ZBTB32: variants seen among roughly 807,000 people sequenced by gnomAD.
The protein encoded by ZBTB32 is zinc finger and BTB domain-containing protein 32.
In ZBTB32, 28 loss-of-function variants were observed where a neutral mutation model predicts 45.3. The observed-to-expected ratio is 0.62, with a 90% CI of 0.46 to 0.85. ZBTB32 has a LOEUF of 0.85. Ranked by LOEUF, ZBTB32 falls within the 40% of genes least tolerant of loss-of-function variation. The pLI is 0.00. For synonymous variants in ZBTB32, 283 were observed against 255.7 expected, an observed-to-expected ratio of 1.11 and a Z score of -1.02; for missense variants, 587 against 624.4, an observed-to-expected ratio of 0.94 and a Z score of 0.64.
At chr19:35,710,435 G>T (rs765873981) in intron 1 of ZBTB32, among the ~76,000 whole-genome samples, 39 of 152,050 alleles carry the variant, frequency 2.6e-4, no homozygotes, top group African/African-American at 1.4e-4. Flanking sequence ...GAAGAGGAAG[G>T]GGGGGCAAGG....
intron 1 of ZBTB32, among the ~76,000 whole-genome samples, chr19:35,707,819 T>C (rs1218189887): frequency 2.0e-5 from 3 of 151,904 alleles, no homozygotes; most frequent in Non-Finnish European, 1.5e-5. Context: ...TCATCTCTAC[T>C]AAAAATACAA....
chr19:35,715,500 G>C lies in ZBTB32; in HGVS notation c.874G>C (p.Glu292Gln), dbSNP rs781730728. Residue 292 changes from glutamate (E) to glutamine (Q), a missense_variant, in exon 3 of 7, where the codon GAA (glutamate) becomes CAA (glutamine). Physicochemically the swap from Glu to Gln is conservative, Grantham distance 29. Transcript: ENST00000392197. Reference protein sequence around the residue: ...TTGAWQEVWREQRIPLSLNAP... With the variant: ...TTGAWQEVWRQQRIPLSLNAP... ...TGGAGCCTGGCAGGAGGTCTGGCGG[G>C]AACAGAGGTGAGTGGCGGGGTCTAG... is the stretch of plus-strand genomic sequence containing the variant. 1 of 1,538,328 alleles carries C rather than the reference G, an allele frequency of 6.5e-7. No homozygotes were observed. The highest frequency in any genetic ancestry group is 2.3e-5 in the East Asian group (1 of 44,302).
intron 1 of ZBTB32, among the ~76,000 whole-genome samples, chr19:35,706,259 T>C (rs530378771): frequency 2.7e-5 from 4 of 148,234 alleles, no homozygotes; most frequent in Non-Finnish European, 5.9e-5. Flanking sequence ...AATTGGGTCA[T>C]GTCTGGAGCT....
chr19:35,706,487 C>T (rs534385070), intron 1 of ZBTB32, among the ~76,000 whole-genome samples: 13 of 151,710 alleles, frequency 8.6e-5, no homozygotes, highest in East Asian at 1.9e-4. Flanking sequence ...TTTGGGAGGC[C>T]GAGGCAGGTG....
At chr19:35,711,352 A>G (rs958535415) in intron 1 of ZBTB32, among the ~76,000 whole-genome samples, 19 of 152,178 alleles carry the variant, frequency 1.2e-4, no homozygotes, top group African/African-American at 4.3e-4. Flanking sequence ...GCGTACATAC[A>G]TATCAGAGGG....
At chr19:35,713,929 T>G (rs23595) in intron 2 of ZBTB32, among the ~76,000 whole-genome samples, 40,255 of 152,194 alleles carry the variant, frequency 0.26, 5,500 homozygotes, top group South Asian at 0.38. Flanking sequence ...TGCTCTCCTC[T>G]TTCTCTGGAT....
chr19:35,712,791 C>G (rs1011248521), intron 1 of ZBTB32, 126 bp from the exon 2 acceptor site: 6 of 152,238 alleles, frequency 3.9e-5, no homozygotes, highest in Non-Finnish European at 7.3e-5. Flanking sequence ...ACACCCACCC[C>G]CAGGTCATTC....
chr19:35,716,631 G>A lies in ZBTB32; in HGVS notation c.1343G>A (p.Arg448His). ...PSLASMQAHM[R>H]GHSPSQLPPG... ...CTGGCCTCCATGCAGGCGCACATGC[G>A]CGGTCACTCGCCCAGCCAACTCCCG... Residue 448 changes from arginine (R) to histidine (H), a missense_variant, in exon 7 of 7, where the codon CGC becomes CAC. Coordinates refer to ENST00000392197, the MANE Select transcript of ZBTB32 (RefSeq NM_014383.3). The A allele has an allele frequency of 6.2e-7, 1 of 1,613,644 alleles. No individual in the cohort carries two copies. The highest frequency in any genetic ancestry group is 1.1e-5 in the South Asian group (1 of 91,084).
chr19:35,715,858 C>G, intron 4 of ZBTB32, 28 bp downstream of exon 4: 1 of 1,612,132 alleles, frequency 6.2e-7, no homozygotes, highest in Non-Finnish European at 8.5e-7. Context: ...CTGCATACAC[C>G]TGTAACATGG....
intron 1 of ZBTB32, among the ~76,000 whole-genome samples, chr19:35,709,249 A>G (rs1269545723): frequency 6.6e-6 from 1 of 152,178 alleles, no homozygotes; most frequent in Non-Finnish European, 1.5e-5. Flanking sequence ...TGGCGAGTTC[A>G]CAGAATTTTT....
chr19:35,705,459 G>A lies in ZBTB32; in HGVS notation c.-222+836G>A, dbSNP rs565347591. ...AATGTTCTGGACTCCAGGTTGAGAT[G>A]TTCTTGGCAGATTTCCCAGTATGGA... On this transcript the variant is annotated intron_variant, in intron 1 of 6. Coordinates refer to ENST00000392197, the MANE Select transcript of ZBTB32 (RefSeq NM_014383.3). 2.6e-5 allele frequency among the ~76,000 whole-genome samples: 4 copies of A among 152,330 alleles called. No individual in the cohort carries two copies. The East Asian group carries it at 7.7e-4, about 29-fold the overall frequency.
chr19:35,709,959 C>A (rs780039806), intron 1 of ZBTB32, among the ~76,000 whole-genome samples: 14 of 151,910 alleles, frequency 9.2e-5, no homozygotes, highest in South Asian at 6.2e-4. Flanking sequence ...CCTGTAATCC[C>A]AGCACTTTGT....
In ZBTB32 at chr19:35,716,949, G is replaced by A. The variant is rs1968935930; in HGVS notation, c.*197G>A. The A allele has an allele frequency of 8.1e-6, 5 of 620,676 alleles. No homozygotes were observed. Among genetic ancestry groups the A allele is most frequent in the South Asian group, 3.9e-5 (2 of 50,710 alleles). The allele number at this position is 620,676 out of a possible 1,614,324, so 38.4% of individuals were successfully genotyped here. ...AGGCCAGCGAGCCCTACAGAGTGAG[G>A]ACACTGAAGTGTGCAGGAGCGAAGG... On this transcript the variant is annotated 3_prime_UTR_variant, in exon 7 of 7. Coordinates refer to ENST00000392197, the MANE Select transcript of ZBTB32 (RefSeq NM_014383.3).
chr19:35,710,598 A>G (rs1217362890), intron 1 of ZBTB32, among the ~76,000 whole-genome samples: 1 of 152,002 alleles, frequency 6.6e-6, no homozygotes, highest in African/African-American at 2.4e-5. Flanking sequence ...CTAAAAATAC[A>G]AAAAAATTAG....
At position 35,716,410 on chromosome 19, in the gene ZBTB32, C is replaced by T. The variant is rs1462596125; in HGVS notation, c.1190-68C>T. 6 of 1,585,342 alleles carry T rather than the reference C, an allele frequency of 3.8e-6. No homozygotes were observed. In the East Asian group the frequency reaches 1.3e-4, roughly 36 times the overall value. On this transcript the variant is annotated intron_variant, in intron 6 of 6. Transcript: ENST00000392197. ...TCCCCTAGCCCCGTGGCCCGATCCACCCCTAACTTGGCCAGCTTTCGCCGC... is the reference window on the plus strand; with the variant it reads ...TCCCCTAGCCCCGTGGCCCGATCCATCCCTAACTTGGCCAGCTTTCGCCGC...
rs534378702 is a variant in ZBTB32, at chr19:35,707,808, C to G, written c.-222+3185C>G. Among the ~76,000 whole-genome samples, 5 of 152,096 alleles carry G rather than the reference C, an allele frequency of 3.3e-5. No homozygotes were observed. The East Asian group carries it at 7.9e-4, about 24-fold the overall frequency. On this transcript the variant is annotated intron_variant, in intron 1 of 6. Coordinates refer to ENST00000392197, the MANE Select transcript of ZBTB32 (RefSeq NM_014383.3). ...ACCAGCCTGGCCAACATGGTAAAAC[C>G]TCATCTCTACTAAAAATACAAAAAT... is the stretch of plus-strand genomic sequence containing the variant.
At chr19:35,705,757 A>G (rs1479886080) in intron 1 of ZBTB32, among the ~76,000 whole-genome samples, 1 of 151,732 alleles carries the variant, frequency 6.6e-6, no homozygotes, top group Non-Finnish European at 1.5e-5. Context: ...CTAAAAATAC[A>G]AAAATTAGCC....
At chr19:35,707,937 G>A (rs868204351) in intron 1 of ZBTB32, among the ~76,000 whole-genome samples, 10 of 152,146 alleles carry the variant, frequency 6.6e-5, no homozygotes, top group East Asian at 3.9e-4. Context: ...AGCCAAGATC[G>A]TGCCACTGCA....
intron 1 of ZBTB32, among the ~76,000 whole-genome samples, chr19:35,709,439 G>C (rs554297872): frequency 6.6e-6 from 1 of 152,156 alleles, no homozygotes; most frequent in South Asian, 2.1e-4. Context: ...TGTTGACATT[G>C]TTACATCAAG....
Sources: allele counts gnomAD v4.1 joint callset (sites outside exome capture counted in the v4.1 genomes callset), GRCh38; gene constraint gnomAD v4.1.1; transcripts MANE v1.5; gene names NCBI Gene and HGNC (gene_info 2026-07-23, HGNC 2026-07-21).